The following SLC44A1 variants were observed in gnomAD, a reference collection of about 807,000 sequenced individuals.
SLC44A1 encodes solute carrier family 44 member 1.
SLC44A1 carries 26 observed loss-of-function variants against 79.3 expected under a neutral mutation model. That is an observed-to-expected ratio of 0.33 (90% CI 0.24 to 0.46). The LOEUF is 0.46. SLC44A1 is among the 20% of genes least tolerant of loss of function. SLC44A1 has a pLI of 1.00. For synonymous variants in SLC44A1, 263 were observed against 286.2 expected (o/e 0.92, Z 0.82); for missense variants, 688 against 798.1 (o/e 0.86, Z 1.66).
intron 15 of SLC44A1, chr9:105,386,537 C>A: frequency 2.0e-6 from 1 of 499,534 alleles, no homozygotes; most frequent in Non-Finnish European, 2.6e-6. Context: ...GGAAGGCTTT[C>A]AACACAAATT....
chr9:105,278,496 C>T (rs929733630), intron 1 of SLC44A1, among the ~76,000 whole-genome samples: 2 of 152,222 alleles, frequency 1.3e-5, no homozygotes, highest in African/African-American at 4.8e-5. Flanking sequence ...GATCCACCCG[C>T]CTCGGCCTCC....
chr9:105,319,829 G>A (rs943158674), intron 3 of SLC44A1, among the ~76,000 whole-genome samples: 1 of 152,048 alleles, frequency 6.6e-6, no homozygotes, highest in African/African-American at 2.4e-5. Flanking sequence ...TTGTAAAGTC[G>A]ATTTTCAGGA....
At chr9:105,386,567 T>G (rs985077001) in intron 15 of SLC44A1, 2 of 305,092 alleles carry the variant, frequency 6.6e-6, no homozygotes, top group African/African-American at 4.5e-5. Flanking sequence ...TATTAAAACA[T>G]GAGATTTTTT....
At chr9:105,324,574 A>G (rs1299177799) in intron 3 of SLC44A1, among the ~76,000 whole-genome samples, 1 of 151,916 alleles carries the variant, frequency 6.6e-6, no homozygotes, top group Non-Finnish European at 1.5e-5. Flanking sequence ...TTTTTACTCT[A>G]CTGTCATCCT....
intron 3 of SLC44A1, among the ~76,000 whole-genome samples, chr9:105,327,191 C>G (rs1178727528): frequency 2.0e-5 from 3 of 152,204 alleles, no homozygotes; most frequent in African/African-American, 7.2e-5. Context: ...TGGCCAGTCT[C>G]TTTTCTCTTG....
Position 105,427,088 on chromosome 9 carries a change from G to A in SLC44A1, c.1951-11193G>A, listed in dbSNP as rs547055214. Among the ~76,000 whole-genome samples the A allele has an allele frequency of 1.5e-4, 23 of 152,036 alleles. 1 individual carries two copies. The highest frequency in any genetic ancestry group is 6.2e-4 in the South Asian group (3 of 4,810). On this transcript the variant is annotated intron_variant, in intron 15 of 15. Transcript: ENST00000374724. ...GTAGCTGGGACTACAGGCCCACCGC[G>A]CTCAGCTAATTTTTTGTATTTTTTA...
intron 15 of SLC44A1, among the ~76,000 whole-genome samples, chr9:105,412,819 A>G (rs1218425900): frequency 6.6e-6 from 1 of 151,882 alleles, no homozygotes; most frequent in Non-Finnish European, 1.5e-5. Context: ...GGCCAGGCTG[A>G]TCTCGAACTC....
At position 105,364,634 on chromosome 9, in the gene SLC44A1, G is replaced by C; in HGVS notation, c.1167G>C (p.Val389=). 6 of 1,614,040 alleles carry C rather than the reference G, an allele frequency of 3.7e-6. No individual in the cohort carries two copies. Among genetic ancestry groups the C allele is most frequent in the Non-Finnish European group, 5.1e-6 (6 of 1,179,904 alleles). ...TGCAGTACATGTGGTGGTACCATGT[G>C]GTGGGCCTGATTTGGATCAGTGAAT... ...GPLQYMWWYH[V]VGLIWISEFI... is the part of the protein sequence containing the mutation. The change falls in exon 10 of 16, where the codon GTG becomes GTC. Residue 389 remains valine (V), a synonymous_variant. Coordinates refer to ENST00000374720, the MANE Select transcript of SLC44A1 (RefSeq NM_080546.5).
intron 4 of SLC44A1, among the ~76,000 whole-genome samples, chr9:105,338,491 T>C (rs1419491011): frequency 6.6e-6 from 1 of 152,184 alleles, no homozygotes; most frequent in Non-Finnish European, 1.5e-5. Context: ...CATGATTCAT[T>C]GCAGCCTTGT....
chr9:105,247,989 G>A (rs1436163235), intron 1 of SLC44A1, among the ~76,000 whole-genome samples: 1 of 152,160 alleles, frequency 6.6e-6, no homozygotes, highest in Non-Finnish European at 1.5e-5. Flanking sequence ...ATTGTTCAAG[G>A]TTTTCCTTTG....
intron 13 of SLC44A1, among the ~76,000 whole-genome samples, chr9:105,375,603 A>AT (rs550764689): frequency 1.3e-5 from 2 of 152,214 alleles, no homozygotes; most frequent in Non-Finnish European, 2.9e-5. Context: ...TGCTTGACAC[A>AT]TTTTAAGTTC....
chr9:105,306,698 G>A (rs1455049899), intron 2 of SLC44A1, among the ~76,000 whole-genome samples: 6 of 151,762 alleles, frequency 4.0e-5, no homozygotes, highest in Non-Finnish European at 7.4e-5. Context: ...GCCTACATCC[G>A]AGAGGGTTGT....
intron 1 of SLC44A1, among the ~76,000 whole-genome samples, chr9:105,293,562 T>G (rs754784974): frequency 3.3e-5 from 5 of 152,196 alleles, no homozygotes; most frequent in Non-Finnish European, 2.9e-5. Context: ...CTGGCCTAAT[T>G]CTGTGCACTT....
At chr9:105,272,054 C>G (rs577823149) in intron 1 of SLC44A1, among the ~76,000 whole-genome samples, 1 of 151,756 alleles carries the variant, frequency 6.6e-6, no homozygotes, top group East Asian at 1.9e-4. Context: ...TTATTTTTTC[C>G]TCATCTTCAA....
At chr9:105,270,254 T>G (rs1485677183) in intron 1 of SLC44A1, among the ~76,000 whole-genome samples, 1 of 152,070 alleles carries the variant, frequency 6.6e-6, no homozygotes, top group Non-Finnish European at 1.5e-5. Flanking sequence ...TCTAAAAAAT[T>G]TTCTCCTAAG....
At chr9:105,352,588 C>A (rs942464809) in intron 5 of SLC44A1, among the ~76,000 whole-genome samples, 3 of 152,130 alleles carry the variant, frequency 2.0e-5, no homozygotes, top group African/African-American at 7.2e-5. Context: ...ATTAAAGATT[C>A]AATATTTGGT....
intron 4 of SLC44A1, among the ~76,000 whole-genome samples, chr9:105,345,826 G>C (rs1464732408): frequency 6.6e-6 from 1 of 152,062 alleles, no homozygotes; most frequent in African/African-American, 2.4e-5. Flanking sequence ...AACATCGGCT[G>C]AGTTGCATGG....
chr9:105,287,681 A>G (rs985036315), intron 1 of SLC44A1, among the ~76,000 whole-genome samples: 1 of 140,714 alleles, frequency 7.1e-6, no homozygotes, highest in African/African-American at 3.2e-5. Context: ...TGGGGAGGTC[A>G]GTTCAGCTGA....
At position 105,392,832 on chromosome 9, in the gene SLC44A1, C is replaced by T. The variant is rs1163379788; in HGVS notation, c.*3776C>T. 2 of 985,266 alleles carry T rather than the reference C, an allele frequency of 2.0e-6. No homozygotes were observed. Among genetic ancestry groups the T allele is most frequent in the Non-Finnish European group, 1.2e-6 (1 of 829,918 alleles). The allele number at this position is 985,266 out of a possible 1,614,324, so 61.0% of individuals were successfully genotyped here. A position where few individuals can be genotyped will look rare whatever the true frequency, so the allele number is the denominator to read the frequency against. On this transcript the variant is annotated 3_prime_UTR_variant, in exon 16 of 16. Coordinates refer to ENST00000374720, the MANE Select transcript of SLC44A1 (RefSeq NM_080546.5). ...ATTTTATTTGATTTTTGGTCAGTAACCTTGTCATTTAAATTGGACTTTCCA... is the reference window on the plus strand; with the variant it reads ...ATTTTATTTGATTTTTGGTCAGTAATCTTGTCATTTAAATTGGACTTTCCA...
Sources: allele counts gnomAD v4.1 joint callset (sites outside exome capture counted in the v4.1 genomes callset), GRCh38; gene constraint gnomAD v4.1.1; transcripts MANE v1.5; gene names NCBI Gene and HGNC (gene_info 2026-07-23, HGNC 2026-07-21).